The following DRICH1 variants were observed in gnomAD, a reference collection of about 807,000 sequenced individuals.
DRICH1 encodes aspartate-rich protein 1.
A neutral mutation model predicts 39.5 loss-of-function variants in DRICH1; 38 were observed. That is an observed-to-expected ratio of 0.96 (90% CI 0.74 to 1.26). The LOEUF (loss-of-function observed/expected upper bound fraction) is 1.26. Among genes scored for constraint, DRICH1 ranks in the 50% most tolerant of loss-of-function variants. The pLI is 0.00. For missense variants in DRICH1, 279 were observed against 270.4 expected, an observed-to-expected ratio of 1.03 and a Z score of -0.22; for synonymous variants, 84 against 99.5, an observed-to-expected ratio of 0.84 and a Z score of 0.93.
At chr22:23,588,726 C>T in the DRICH1 span, among the ~76,000 whole-genome samples, 16 of 152,328 alleles carry the variant, frequency 1.1e-4, no homozygotes, top group African/African-American at 3.8e-4. Flanking sequence ...GGCCTCCAAC[C>T]GAACAGGCCT....
At chr22:23,583,228 C>A in the DRICH1 span, 1 of 152,232 alleles carries the variant, frequency 6.6e-6, no homozygotes, top group African/African-American at 2.4e-5. Context: ...TCCTGGAACA[C>A]CTGGCCCAGC....
At chr22:23,596,649 G>C in the DRICH1 span, among the ~76,000 whole-genome samples, 27 of 152,302 alleles carry the variant, frequency 1.8e-4, no homozygotes, top group Non-Finnish European at 2.8e-4. Flanking sequence ...GATTGTTTAG[G>C]AGTGTGTTTA....
At chr22:23,617,691 G>C in intron 6 of DRICH1, 34 bp from the exon 7 acceptor site, 1 of 1,607,690 alleles carries the variant, frequency 6.2e-7, no homozygotes, top group Non-Finnish European at 8.5e-7. Context: ...CCGTGCCCTG[G>C]TTGTTTGTGA....
intron 9 of DRICH1, 30 bp downstream of exon 9, chr22:23,614,105 C>T (rs761544147): frequency 2.1e-6 from 3 of 1,444,836 alleles, no homozygotes; most frequent in Admixed American, 3.4e-5. Flanking sequence ...AGCAACATTG[C>T]TGTAGAAGAC....
the DRICH1 span, among the ~76,000 whole-genome samples, chr22:23,587,193 C>T: frequency 2.8e-4 from 42 of 152,208 alleles, 1 homozygote; most frequent in African/African-American, 9.2e-4. Flanking sequence ...GTGCCCCTCC[C>T]CCCATGCTTC....
chr22:23,592,091 A>C, the DRICH1 span, among the ~76,000 whole-genome samples: 1 of 152,210 alleles, frequency 6.6e-6, no homozygotes, highest in African/African-American at 2.4e-5. Context: ...TGTTCAGGGA[A>C]CACAGGAACG....
At chr22:23,599,438 T>C in the DRICH1 span, among the ~76,000 whole-genome samples, 1 of 152,260 alleles carries the variant, frequency 6.6e-6, no homozygotes, top group Admixed American at 6.5e-5. Context: ...AGACCTGCTC[T>C]CTCCCTTGTC....
the DRICH1 span, among the ~76,000 whole-genome samples, chr22:23,585,502 T>A: frequency 3.9e-5 from 6 of 151,978 alleles, no homozygotes; most frequent in East Asian, 1.9e-4. Context: ...TTGTGGGGGA[T>A]ATTTTGTGGG....
chr22:23,617,793 AGAG>A, intron 6 of DRICH1, 136 bp from the exon 7 acceptor site: 1 of 812,618 alleles, frequency 1.2e-6, no homozygotes, highest in Non-Finnish European at 2.0e-6. Flanking sequence ...GAGGGATGGC[AGAG>A]GAGGGGAGCA....
At chr22:23,630,524 CTTTT>C (rs1379418662) in intron 1 of DRICH1, 1 of 152,040 alleles carries the variant, frequency 6.6e-6, no homozygotes, top group East Asian at 1.9e-4. Context: ...GTTTTTCTTC[CTTTT>C]TATTAGAAGA....
intron 11 of DRICH1, among the ~76,000 whole-genome samples, chr22:23,612,311 C>G (rs549183977): frequency 6.6e-6 from 1 of 151,402 alleles, no homozygotes; most frequent in Non-Finnish European, 1.5e-5. Flanking sequence ...ACCAAAAATA[C>G]AAAAAATTAG....
At chr22:23,602,782 TA>T in the DRICH1 span, among the ~76,000 whole-genome samples, 1 of 152,136 alleles carries the variant, frequency 6.6e-6, no homozygotes, top group Admixed American at 6.6e-5. Flanking sequence ...AAAATTATAC[TA>T]GGTTTTATTA....
At chr22:23,613,191 AC>A in intron 11 of DRICH1, 97 bp downstream of exon 11, 1 of 855,394 alleles carries the variant, frequency 1.2e-6, no homozygotes, top group Non-Finnish European at 2.0e-6. Flanking sequence ...CTGATTTCAT[AC>A]CCCCTCCTTC....
intron 8 of DRICH1, among the ~76,000 whole-genome samples, chr22:23,616,606 T>C (rs1360012732): frequency 1.3e-5 from 2 of 152,152 alleles, no homozygotes; most frequent in African/African-American, 2.4e-5. Flanking sequence ...AACATCAGGA[T>C]AAGTCAGTGA....
At chr22:23,620,709 C>G (rs1278135458) in intron 4 of DRICH1, 94 bp from the exon 5 acceptor site, 1 of 1,441,314 alleles carries the variant, frequency 6.9e-7, no homozygotes, top group Non-Finnish European at 9.8e-7. Flanking sequence ...CTTCAGAAAA[C>G]TAGTTGTGAA....
At chr22:23,581,557 T>G in the DRICH1 span, 1 of 152,144 alleles carries the variant, frequency 6.6e-6, no homozygotes, top group Non-Finnish European at 1.5e-5. Flanking sequence ...AGTGTTGTTT[T>G]CTTCATCTGT....
In DRICH1 at chr22:23,626,912, G is replaced by C. The variant is rs560376757; in HGVS notation, c.209-864C>G. The stretch of plus-strand genomic sequence containing the variant: ...CTCACAGCCCTGAGATTCCCACTTT[G>C]ATGTGCACGCTTTGAGTTACAGGAG... On this transcript the variant is annotated intron_variant, in intron 1 of 11. Coordinates refer to ENST00000317749, the MANE Select transcript of DRICH1 (RefSeq NM_016449.4). Among the ~76,000 whole-genome samples, 331 of 152,232 alleles carry C rather than the reference G, an allele frequency of 2.2e-3. 1 individual carries two copies. The highest frequency in any genetic ancestry group is 4.2e-3 in the Non-Finnish European group (289 of 68,016).
the DRICH1 span, among the ~76,000 whole-genome samples, chr22:23,585,887 A>G: frequency 2.6e-5 from 4 of 152,204 alleles, no homozygotes; most frequent in Non-Finnish European, 5.9e-5. Flanking sequence ...AATAATTTCA[A>G]TTCTTTCAAA....
chr22:23,594,635 A>G, the DRICH1 span, among the ~76,000 whole-genome samples: 2 of 152,274 alleles, frequency 1.3e-5, no homozygotes. Flanking sequence ...CATCTGTCAG[A>G]GTGGCAGGGC....
Sources: allele counts gnomAD v4.1 joint callset (sites outside exome capture counted in the v4.1 genomes callset), GRCh38; gene constraint gnomAD v4.1.1; transcripts MANE v1.5; gene names NCBI Gene and HGNC (gene_info 2026-07-23, HGNC 2026-07-21).